The following CHRNA7 variants were observed in gnomAD, a reference collection of about 807,000 sequenced individuals.
CHRNA7 encodes the protein neuronal acetylcholine receptor subunit alpha-7.
In CHRNA7, 17 loss-of-function variants were observed where a neutral mutation model predicts 48.0. That is an observed-to-expected ratio of 0.35 (90% CI 0.24 to 0.53). The LOEUF is 0.53. CHRNA7 is among the 20% of genes least tolerant of loss of function. CHRNA7 has a pLI of 0.92. For missense variants in CHRNA7, 155 were observed against 577.7 expected (o/e 0.27, Z 7.50); for synonymous variants, 75 against 242.3 (o/e 0.31, Z 6.41).
At chr15:32,128,961 A>G (rs2141313271) in intron 4 of CHRNA7, among the ~76,000 whole-genome samples, 1 of 152,002 alleles carries the variant, frequency 6.6e-6, no homozygotes, top group East Asian at 1.9e-4. Context: ...ACTTTTTAAT[A>G]TGGATGAGTG....
chr15:32,086,361 C>A lies in CHRNA7; in HGVS notation c.196-14942C>A, dbSNP rs138656017. 6.8e-3 allele frequency among the ~76,000 whole-genome samples: 486 copies of A among 71,386 alleles called. 3 individuals are homozygous for A. The highest frequency in any genetic ancestry group is 0.024 in the African/African-American group (456 of 18,732). The allele number at this position is 71,386 out of a possible 152,430, so 46.8% of individuals were successfully genotyped here. ...TCAGCCTGGGTGACAGAGCGAGACT[C>A]CATCTCAAAAAAAAAAAAAAAAAAA... On this transcript the variant is annotated intron_variant, in intron 2 of 9. Coordinates refer to ENST00000306901, the MANE Select transcript of CHRNA7 (RefSeq NM_000746.6).
intron 4 of CHRNA7, among the ~76,000 whole-genome samples, chr15:32,153,123 T>TC (rs2051666588): frequency 6.6e-6 from 1 of 152,064 alleles, no homozygotes; most frequent in Non-Finnish European, 1.5e-5. Context: ...GTTCAGTCAT[T>TC]CAAGATATAT....
chr15:32,085,721 A>G (rs955161752), intron 2 of CHRNA7, among the ~76,000 whole-genome samples: 10 of 152,242 alleles, frequency 6.6e-5, no homozygotes, highest in African/African-American at 2.4e-4. Context: ...AATTACTCCA[A>G]TGAAGTAGTG....
intron 2 of CHRNA7, among the ~76,000 whole-genome samples, chr15:32,087,724 C>T (rs770741741): frequency 1.3e-5 from 2 of 152,174 alleles, no homozygotes; most frequent in Non-Finnish European, 2.9e-5. Flanking sequence ...TATACATGTA[C>T]AGTAGTTTCA....
intron 4 of CHRNA7, chr15:32,112,115 G>T: frequency 1.6e-6 from 1 of 628,992 alleles, no homozygotes; most frequent in South Asian, 1.8e-5. Context: ...GCACACGCTG[G>T]CTAGCCTGCT....
intron 2 of CHRNA7, among the ~76,000 whole-genome samples, chr15:32,062,798 G>A (rs1214033236): frequency 3.3e-5 from 5 of 152,070 alleles, no homozygotes; most frequent in Non-Finnish European, 5.9e-5. Context: ...CCAGAACTTG[G>A]TGCTAAATAG....
intron 2 of CHRNA7, among the ~76,000 whole-genome samples, chr15:32,062,754 C>A (rs1311615284): frequency 6.6e-6 from 1 of 152,194 alleles, no homozygotes; most frequent in African/African-American, 2.4e-5. Flanking sequence ...CTTCCTACAA[C>A]TTCCTCACAT....
At chr15:32,123,872 T>C (rs141225450) in intron 4 of CHRNA7, among the ~76,000 whole-genome samples, 11 of 152,010 alleles carry the variant, frequency 7.2e-5, no homozygotes, top group African/African-American at 2.4e-4. Context: ...CTCATCTGTC[T>C]TTTGTCAGTT....
chr15:32,158,288 C>CTTTT, intron 6 of CHRNA7, 124 bp from the exon 7 acceptor site: 4 of 743,402 alleles, frequency 5.4e-6, no homozygotes, highest in Non-Finnish European at 7.5e-6. Context: ...ACAACCCCCC[C>CTTTT]CTTTTTTTTT....
Position 32,086,941 on chromosome 15 carries a change from C to T in CHRNA7, c.196-14362C>T, listed in dbSNP as rs563770499. On this transcript the variant is annotated intron_variant, in intron 2 of 9. Coordinates refer to ENST00000306901, the MANE Select transcript of CHRNA7 (RefSeq NM_000746.6). ...TAATCAAATGGCTTAAAATGGTATT[C>T]GTCAGGTCCCTCGACTGCAAAGTTA... 1.2e-4 allele frequency among the ~76,000 whole-genome samples: 19 copies of T among 152,218 alleles called. No homozygotes were observed. The South Asian group carries it at 3.3e-3, about 27-fold the overall frequency.
At chr15:32,033,131 C>T (rs1901924441) in intron 2 of CHRNA7, among the ~76,000 whole-genome samples, 2 of 152,068 alleles carry the variant, frequency 1.3e-5, no homozygotes, top group African/African-American at 2.4e-5. Context: ...TCACCTTAGC[C>T]GTGGTATTGG....
chr15:32,131,050 T>G (rs1319946390), intron 4 of CHRNA7, among the ~76,000 whole-genome samples: 1 of 152,140 alleles, frequency 6.6e-6, no homozygotes, highest in Non-Finnish European at 1.5e-5. Context: ...TTGTTGTTGT[T>G]GTTTAGTTTT....
Position 32,055,068 on chromosome 15 carries a change from A to C in CHRNA7, c.195+24031A>C, listed in dbSNP as rs2049762193. 1.3e-5 allele frequency among the ~76,000 whole-genome samples: 2 copies of C among 152,156 alleles called. 1 individual carries two copies. Among genetic ancestry groups the C allele is most frequent in the Non-Finnish European group, 2.9e-5 (2 of 68,026 alleles). On this transcript the variant is annotated intron_variant, in intron 2 of 9. Coordinates refer to ENST00000306901, the MANE Select transcript of CHRNA7 (RefSeq NM_000746.6). ...AACGCTTGGCATTTTTAGTCTATTA[A>C]ATTTACCATTCTAGTGGGTGTGGAG...
chr15:32,047,999 T>A lies in CHRNA7; in HGVS notation c.195+16962T>A, dbSNP rs960918637. ...TATTGATTTGCGTATATTGAACCAGTCTTGCATCCCAGGGATGAAGCCCAC... is the reference window on the plus strand; with the variant it reads ...TATTGATTTGCGTATATTGAACCAGACTTGCATCCCAGGGATGAAGCCCAC... On this transcript the variant is annotated intron_variant, in intron 2 of 9. Coordinates refer to ENST00000306901, the MANE Select transcript of CHRNA7 (RefSeq NM_000746.6). Among the ~76,000 whole-genome samples, 3 of 152,170 alleles carry A rather than the reference T, an allele frequency of 2.0e-5. No homozygotes were observed. In the East Asian group the frequency reaches 5.8e-4, roughly 29 times the overall value.
At chr15:32,064,925 T>C (rs2049941024) in intron 2 of CHRNA7, among the ~76,000 whole-genome samples, 1 of 152,200 alleles carries the variant, frequency 6.6e-6, no homozygotes, top group African/African-American at 2.4e-5. Flanking sequence ...AAAATGAATA[T>C]GCAACAGAGC....
intron 2 of CHRNA7, among the ~76,000 whole-genome samples, chr15:32,046,563 A>C (rs1212024125): frequency 6.6e-6 from 1 of 151,536 alleles, no homozygotes; most frequent in East Asian, 1.9e-4. Context: ...TAGATTCTGG[A>C]TATTAGCCCT....
chr15:32,146,252 T>C (rs980166249), intron 4 of CHRNA7, among the ~76,000 whole-genome samples: 22 of 152,100 alleles, frequency 1.4e-4, no homozygotes, highest in African/African-American at 5.1e-4. Context: ...TGGAGAAAAA[T>C]CAGTTGATGT....
At chr15:32,074,067 T>C (rs1196176828) in intron 2 of CHRNA7, among the ~76,000 whole-genome samples, 1 of 151,734 alleles carries the variant, frequency 6.6e-6, no homozygotes, top group Non-Finnish European at 1.5e-5. Context: ...TTCCTTCTTA[T>C]TGTTAAAAAT....
At chr15:32,166,152 T>A (rs1420787194) in intron 9 of CHRNA7, 11 of 149,892 alleles carry the variant, frequency 7.3e-5, no homozygotes, top group Non-Finnish European at 1.2e-4. Flanking sequence ...ACATAACCAC[T>A]TACTTACTCA....
Sources: gnomAD v4.1 joint callset for allele counts (sites outside exome capture counted in the v4.1 genomes callset) on GRCh38, gnomAD v4.1.1 for gene constraint, MANE v1.5 for transcripts, NCBI Gene and HGNC (gene_info 2026-07-23, HGNC 2026-07-21) for gene names.